COX7B2: variants seen among roughly 807,000 people sequenced by gnomAD.
COX7B2 encodes cytochrome c oxidase subunit 7B2, mitochondrial.
For missense variants in COX7B2, 109 were observed against 95.9 expected, an observed-to-expected ratio of 1.14 and a Z score of -0.57; for synonymous variants, 37 against 32.1, an observed-to-expected ratio of 1.15 and a Z score of -0.51.
At chr4:46,861,724 G>A (rs1717344268) in intron 1 of COX7B2, among the ~76,000 whole-genome samples, 1 of 152,212 alleles carries the variant, frequency 6.6e-6, no homozygotes, top group African/African-American at 2.4e-5. Context: ...CCTGACTTAA[G>A]CGGTGGTTGT....
intron 2 of COX7B2, among the ~76,000 whole-genome samples, chr4:46,759,964 T>C (rs995477301): frequency 6.6e-6 from 1 of 151,770 alleles, no homozygotes; most frequent in African/African-American, 2.4e-5. Flanking sequence ...ATAAGTTATA[T>C]ACGCCTTATC....
chr4:46,742,038 G>A (rs1283917671), intron 2 of COX7B2, among the ~76,000 whole-genome samples: 1 of 152,126 alleles, frequency 6.6e-6, no homozygotes, highest in Non-Finnish European at 1.5e-5. Flanking sequence ...GCCACTGAAA[G>A]AGTACAATAG....
At chr4:46,899,447 A>G (rs891799811) in intron 1 of COX7B2, among the ~76,000 whole-genome samples, 3 of 152,190 alleles carry the variant, frequency 2.0e-5, no homozygotes, top group Non-Finnish European at 4.4e-5. Flanking sequence ...AGATAGGCAT[A>G]AAATCCATTT....
At chr4:46,873,273 G>A (rs141583427) in intron 1 of COX7B2, among the ~76,000 whole-genome samples, 2,890 of 152,148 alleles carry the variant, frequency 0.019, 65 homozygotes, top group African/African-American at 0.052. Context: ...GAATAGTGCC[G>A]CAATAAACAT....
At chr4:46,759,912 TAA>T (rs1265862977) in intron 2 of COX7B2, among the ~76,000 whole-genome samples, 3 of 150,874 alleles carry the variant, frequency 2.0e-5, no homozygotes, top group African/African-American at 4.9e-5. Flanking sequence ...TTATCTTATA[TAA>T]GTTATATAAG....
At chr4:46,765,396 T>C (rs59277224) in intron 2 of COX7B2, among the ~76,000 whole-genome samples, 49,902 of 151,946 alleles carry the variant, frequency 0.33, 8,455 homozygotes, top group South Asian at 0.47. Context: ...TGAATCCTAG[T>C]ACTAGACCAG....
intron 2 of COX7B2, among the ~76,000 whole-genome samples, chr4:46,742,655 A>G (rs996682730): frequency 6.6e-6 from 1 of 152,166 alleles, no homozygotes; most frequent in Non-Finnish European, 1.5e-5. Flanking sequence ...AAGCCTAAAA[A>G]GTTACAGAAA....
intron 2 of COX7B2, among the ~76,000 whole-genome samples, chr4:46,841,334 T>G (rs901350075): frequency 7.1e-6 from 1 of 139,994 alleles, no homozygotes; most frequent in Non-Finnish European, 1.6e-5. Flanking sequence ...CCAAATGTGC[T>G]CTGTGTGTGT....
chr4:46,857,849 A>G (rs1176435679), intron 1 of COX7B2, among the ~76,000 whole-genome samples: 1 of 152,178 alleles, frequency 6.6e-6, no homozygotes, highest in Non-Finnish European at 1.5e-5. Context: ...AGTAAAAGGA[A>G]TAAGAGCTTT....
At chr4:46,775,842 A>G (rs974872413) in intron 2 of COX7B2, among the ~76,000 whole-genome samples, 2 of 152,100 alleles carry the variant, frequency 1.3e-5, no homozygotes, top group Non-Finnish European at 2.9e-5. Context: ...TGAGGTAGTG[A>G]GATCGCTGTT....
At chr4:46,816,223 T>C (rs2109677535) in intron 2 of COX7B2, among the ~76,000 whole-genome samples, 1 of 152,372 alleles carries the variant, frequency 6.6e-6, no homozygotes, top group East Asian at 1.9e-4. Context: ...TATGGTCAAA[T>C]CTTAACTCAT....
intron 2 of COX7B2, among the ~76,000 whole-genome samples, chr4:46,761,190 TTA>T (rs982121790): frequency 3.3e-5 from 5 of 152,134 alleles, no homozygotes; most frequent in African/African-American, 1.2e-4. Context: ...GAACAAGCTT[TTA>T]AAAGGATGCT....
intron 2 of COX7B2, among the ~76,000 whole-genome samples, chr4:46,757,969 A>G (rs1715899042): frequency 6.6e-6 from 1 of 152,120 alleles, no homozygotes; most frequent in Non-Finnish European, 1.5e-5. Context: ...CATAATGCAG[A>G]AGCTTGCAGG....
intron 2 of COX7B2, among the ~76,000 whole-genome samples, chr4:46,836,670 G>C (rs1715536671): frequency 6.6e-6 from 1 of 152,018 alleles, no homozygotes; most frequent in Non-Finnish European, 1.5e-5. Flanking sequence ...CAGTAATATA[G>C]TTATTTGGTA....
At chr4:46,815,897 TTACC>T (rs1377104737) in intron 2 of COX7B2, among the ~76,000 whole-genome samples, 14 of 152,186 alleles carry the variant, frequency 9.2e-5, no homozygotes, top group Admixed American at 9.2e-4. Flanking sequence ...ATATTTATAT[TTACC>T]TTTCTGTTTT....
At chr4:46,871,928 C>A (rs2109825859) in intron 1 of COX7B2, among the ~76,000 whole-genome samples, 1 of 152,208 alleles carries the variant, frequency 6.6e-6, no homozygotes, top group Middle Eastern at 3.4e-3. Flanking sequence ...CCTCAGAGAG[C>A]TAAAAGAAGA....
intron 2 of COX7B2, among the ~76,000 whole-genome samples, chr4:46,770,995 C>T (rs1716844710): frequency 6.6e-6 from 1 of 152,054 alleles, no homozygotes; most frequent in Non-Finnish European, 1.5e-5. Flanking sequence ...AACTAAAAAG[C>T]TTTGCAAAGC....
intron 2 of COX7B2, among the ~76,000 whole-genome samples, chr4:46,816,110 A>C (rs1719537277): frequency 6.6e-6 from 1 of 152,194 alleles, no homozygotes; most frequent in Admixed American, 6.5e-5. Context: ...TACTGAGTAC[A>C]AGACTGACAT....
At chr4:46,789,880 T>C (rs542179322) in intron 2 of COX7B2, among the ~76,000 whole-genome samples, 2 of 152,270 alleles carry the variant, frequency 1.3e-5, no homozygotes, top group African/African-American at 4.8e-5. Context: ...TTAGCAAATA[T>C]TTCCAATGTA....
Sources: allele counts gnomAD v4.1 joint callset (sites outside exome capture counted in the v4.1 genomes callset), GRCh38; gene constraint gnomAD v4.1.1; transcripts MANE v1.5; gene names NCBI Gene and HGNC (gene_info 2026-07-23, HGNC 2026-07-21).